The following CLASP1 variants were observed in gnomAD, a reference collection of about 807,000 sequenced individuals.
The protein encoded by CLASP1 is CLIP-associating protein 1.
CLASP1 carries 38 observed loss-of-function variants against 192.3 expected under a neutral mutation model. The ratio of observed to expected loss-of-function variants is 0.20; its 90% confidence interval spans 0.15 to 0.26. The LOEUF (loss-of-function observed/expected upper bound fraction) is 0.26. CLASP1 is among the 10% of genes least tolerant of loss of function. The pLI is 1.00. For synonymous variants in CLASP1, 691 were observed against 712.8 expected, an observed-to-expected ratio of 0.97 and a Z score of 0.49; for missense variants, 1,433 against 1,932.5, an observed-to-expected ratio of 0.74 and a Z score of 4.85.
intron 30 of CLASP1, among the ~76,000 whole-genome samples, chr2:121,390,418 C>T (rs746887187): frequency 6.6e-6 from 1 of 152,122 alleles, no homozygotes; most frequent in African/African-American, 2.4e-5. Context: ...AATGGGCAAC[C>T]CTAGGGCAAT....
intron 2 of CLASP1, among the ~76,000 whole-genome samples, chr2:121,572,919 C>G (rs1241785828): frequency 6.6e-6 from 1 of 152,100 alleles, no homozygotes; most frequent in African/African-American, 2.4e-5. Context: ...GTCCCACTAA[C>G]CCAGAGCTGA....
intron 2 of CLASP1, among the ~76,000 whole-genome samples, chr2:121,585,378 A>G (rs1319134096): frequency 6.6e-6 from 1 of 152,190 alleles, no homozygotes; most frequent in African/African-American, 2.4e-5. Context: ...GAATAGCCAG[A>G]GGTAGGTCAT....
chr2:121,404,465 TTAC>T, intron 25 of CLASP1, 31 bp from the exon 27 acceptor site: 3 of 1,566,256 alleles, frequency 1.9e-6, no homozygotes, highest in Non-Finnish European at 2.6e-6. Flanking sequence ...ATCAATGAAT[TTAC>T]TACTTTTATT....
At chr2:121,582,807 CAG>C (rs781341289) in intron 2 of CLASP1, among the ~76,000 whole-genome samples, 3 of 149,478 alleles carry the variant, frequency 2.0e-5, no homozygotes, top group Non-Finnish European at 4.4e-5. Flanking sequence ...TTAACTGAGA[CAG>C]AGTCTTGCTC....
intron 8 of CLASP1, among the ~76,000 whole-genome samples, chr2:121,499,864 T>C (rs2093673105): frequency 6.6e-6 from 1 of 152,020 alleles, no homozygotes; most frequent in Admixed American, 6.6e-5. Flanking sequence ...CTACCTCATT[T>C]TGATAAAGAA....
intron 23 of CLASP1, among the ~76,000 whole-genome samples, chr2:121,415,324 G>C (rs2078390671): frequency 6.6e-6 from 1 of 152,180 alleles, no homozygotes; most frequent in South Asian, 2.1e-4. Flanking sequence ...TACCTCTTGG[G>C]AGTTACTGAG....
At chr2:121,444,938 C>T in intron 19 of CLASP1, 1 of 1,358,988 alleles carries the variant, frequency 7.4e-7, no homozygotes, top group Non-Finnish European at 9.8e-7. Flanking sequence ...AAACCGCTTA[C>T]CCTCCGCTTT....
chr2:121,456,620 AGGC>A (rs1330954534), intron 14 of CLASP1, among the ~76,000 whole-genome samples: 2 of 152,166 alleles, frequency 1.3e-5, no homozygotes, highest in Non-Finnish European at 2.9e-5. Flanking sequence ...ATTTTTAAAA[AGGC>A]GGTCTCTGGC....
At chr2:121,621,892 G>A (rs556275730) in intron 1 of CLASP1, among the ~76,000 whole-genome samples, 1 of 152,250 alleles carries the variant, frequency 6.6e-6, no homozygotes, top group South Asian at 2.1e-4. Flanking sequence ...CTGTCACCCA[G>A]GCTGGAGAGC....
chr2:121,594,371 G>A (rs72972725), intron 2 of CLASP1, among the ~76,000 whole-genome samples: 35,600 of 150,614 alleles, frequency 0.24, 6,469 homozygotes, highest in African/African-American at 0.51. Context: ...AGTATGTCTC[G>A]TAAATCAGGT....
chr2:121,390,154 A>G (rs946098922), intron 30 of CLASP1, among the ~76,000 whole-genome samples: 1 of 152,232 alleles, frequency 6.6e-6, no homozygotes, highest in Non-Finnish European at 1.5e-5. Flanking sequence ...TAAAATATGG[A>G]ATCCAAGCAA....
chr2:121,447,322 C>G lies in CLASP1; in HGVS notation c.1912+15G>C, dbSNP rs1284114908. On this transcript the variant is annotated intron_variant, in intron 19 of 39. Transcript: ENST00000263710. ...GAGCAGTGCAGGAGGGAAAGGGTGA[C>G]AGGGGTGTGGTTACCTAAGGATGCG... 7.6e-6 allele frequency: 12 copies of G among 1,583,726 alleles called. No individual in the cohort carries two copies. The highest frequency in any genetic ancestry group is 1.0e-5 in the Non-Finnish European group (12 of 1,165,178).
chr2:121,631,709 G>A (rs1389132764), intron 1 of CLASP1, among the ~76,000 whole-genome samples: 3 of 152,086 alleles, frequency 2.0e-5, no homozygotes, highest in African/African-American at 7.2e-5. Context: ...TCATGAGTTT[G>A]AGAACAGCCT....
intron 19 of CLASP1, among the ~76,000 whole-genome samples, chr2:121,434,369 C>T (rs750700127): frequency 2.3e-4 from 35 of 152,094 alleles, no homozygotes; most frequent in Non-Finnish European, 1.2e-4. Context: ...TATCCTCCCA[C>T]CTTAGCCTTC....
chr2:121,564,567 C>T (rs1043287420), intron 2 of CLASP1, among the ~76,000 whole-genome samples: 5 of 152,124 alleles, frequency 3.3e-5, no homozygotes, highest in Admixed American at 6.6e-5. Flanking sequence ...CTCTATGGTA[C>T]GATATTTTAT....
chr2:121,347,456 T>C (rs1005195490), intron 38 of CLASP1, among the ~76,000 whole-genome samples: 1 of 152,212 alleles, frequency 6.6e-6, no homozygotes, highest in African/African-American at 2.4e-5. Context: ...AGAAACATTG[T>C]AGAGGAGAGA....
intron 37 of CLASP1, among the ~76,000 whole-genome samples, chr2:121,361,089 C>T (rs1408596997): frequency 1.3e-5 from 2 of 152,172 alleles, no homozygotes; most frequent in African/African-American, 4.8e-5. Flanking sequence ...TAAGTGCGTG[C>T]CAAGACACCA....
chr2:121,635,209 TAA>T (rs776754807), intron 1 of CLASP1, among the ~76,000 whole-genome samples: 5 of 137,256 alleles, frequency 3.6e-5, no homozygotes, highest in Admixed American at 7.4e-5. Flanking sequence ...ATTGCGTCTG[TAA>T]AAAAAAAAAA....
At chr2:121,626,286 CAA>C (rs1424088589) in intron 1 of CLASP1, among the ~76,000 whole-genome samples, 1 of 151,950 alleles carries the variant, frequency 6.6e-6, no homozygotes, top group African/African-American at 2.4e-5. Flanking sequence ...TTTAAAAAAA[CAA>C]GAGAAGTCTT....
Sources: gnomAD v4.1 joint callset for allele counts (sites outside exome capture counted in the v4.1 genomes callset) on GRCh38, gnomAD v4.1.1 for gene constraint, MANE v1.5 for transcripts, NCBI Gene and HGNC (gene_info 2026-07-23, HGNC 2026-07-21) for gene names.